Variants in ZNF254 observed in about 807,000 individuals in gnomAD.
ZNF254 encodes the protein zinc finger protein 254, also known as CTD-2017D11.1.
In ZNF254, 10 loss-of-function variants were observed where a neutral mutation model predicts 12.4. The ratio of observed to expected loss-of-function variants is 0.80; its 90% confidence interval spans 0.50 to 1.36. ZNF254 has a LOEUF of 1.36. ZNF254 is among the 40% of genes most tolerant of loss of function. The pLI is 0.00. For missense variants in ZNF254, 996 were observed against 763.9 expected (o/e 1.30, Z -3.58); for synonymous variants, 305 against 253.4 (o/e 1.20, Z -1.93).
chr19:24,117,336 G>A (rs1444957342), intron 3 of ZNF254, among the ~76,000 whole-genome samples: 3 of 152,160 alleles, frequency 2.0e-5, no homozygotes, highest in Non-Finnish European at 4.4e-5. Flanking sequence ...TTGAGCTGTG[G>A]TGGGCTCCAC....
intron 2 of ZNF254, among the ~76,000 whole-genome samples, chr19:24,069,683 C>T (rs140478820): frequency 2.4e-4 from 36 of 147,022 alleles, no homozygotes; most frequent in Admixed American, 8.2e-4. Flanking sequence ...TTTGGGAGGC[C>T]GGCTCACGCC....
chr19:24,126,816 T>C lies in ZNF254; in HGVS notation c.816T>C (p.Gly272=), dbSNP rs10421408. ...AACTCTACAAATGTGAAGAATGTGG[T>C]GAAGCTTTTAATCGATCCTCAAATC... ...GEKLYKCEEC[G]EAFNRSSNLT... The change falls in exon 4 of 4, where the codon GGT becomes GGC. Residue 272 remains glycine (G), a synonymous_variant. Transcript: ENST00000357002. 4 of 1,611,954 alleles carry C rather than the reference T, an allele frequency of 2.5e-6. No individual in the cohort carries two copies. The highest frequency in any genetic ancestry group is 2.7e-5 in the African/African-American group (2 of 74,528).
chr19:24,060,089 C>T (rs1281146486), intron 2 of ZNF254, among the ~76,000 whole-genome samples: 17 of 152,170 alleles, frequency 1.1e-4, no homozygotes, highest in Non-Finnish European at 2.2e-4. Context: ...GGGCTCAGCA[C>T]CCAGGTGATG....
At chr19:24,104,758 G>C (rs1379732343) in intron 1 of ZNF254, 1 of 152,130 alleles carries the variant, frequency 6.6e-6, no homozygotes, top group African/African-American at 2.4e-5. Context: ...CAATATTTCT[G>C]TGGGGAAAAC....
intron 2 of ZNF254, among the ~76,000 whole-genome samples, chr19:24,069,478 G>A (rs796213257): frequency 1.3e-5 from 2 of 150,328 alleles, no homozygotes; most frequent in African/African-American, 2.4e-5. Context: ...GTGGTGGCGG[G>A]TGTCTAATCC....
rs186209902 is a variant in ZNF254 at position 24,112,913 on chromosome 19, A to T, written c.253+6270A>T. ...GAATACTACAAACACCTCTATGCAA[A>T]TAAACTAGAAAATCTAGATGAAATG... On this transcript the variant is annotated intron_variant, in intron 3 of 3. Coordinates refer to ENST00000357002, the MANE Select transcript of ZNF254 (RefSeq NM_203282.4). 3.5e-3 allele frequency among the ~76,000 whole-genome samples: 526 copies of T among 152,346 alleles called. 7 individuals carry two copies. Among genetic ancestry groups the T allele is most frequent in the Non-Finnish European group, 2.5e-3 (171 of 68,026 alleles).
chr19:24,075,393 GAAAT>G (rs1463784020), intron 2 of ZNF254, among the ~76,000 whole-genome samples: 1 of 152,154 alleles, frequency 6.6e-6, no homozygotes, highest in Non-Finnish European at 1.5e-5. Flanking sequence ...GCCAGTCTGA[GAAAT>G]AAAGAGAAAG....
chr19:24,101,714 C>T (rs1973039461), intron 1 of ZNF254, among the ~76,000 whole-genome samples: 1 of 152,238 alleles, frequency 6.6e-6, no homozygotes, highest in African/African-American at 2.4e-5. Flanking sequence ...CTGAGTCTCT[C>T]CTGCTGGCTT....
At chr19:24,101,087 C>G (rs776110887) in intron 1 of ZNF254, among the ~76,000 whole-genome samples, 1 of 152,116 alleles carries the variant, frequency 6.6e-6, no homozygotes. Flanking sequence ...TCAGGGGATC[C>G]GCCTGCCTTG....
At chr19:24,055,648 C>T (rs1051857574) in intron 2 of ZNF254, among the ~76,000 whole-genome samples, 2 of 152,180 alleles carry the variant, frequency 1.3e-5, no homozygotes, top group Non-Finnish European at 2.9e-5. Context: ...AAACACAGCC[C>T]ACTTTTGAAG....
In ZNF254 at chr19:24,127,611, G is replaced by C. The variant is rs12611425; in HGVS notation, c.1611G>C (p.Lys537Asn). 0.036 allele frequency: 58,078 copies of C among 1,613,422 alleles called. 1,736 individuals carry two copies. Among genetic ancestry groups the C allele is most frequent in the Admixed American group, 0.15 (9,106 of 59,934 alleles). Residue 537 changes from lysine to asparagine, a missense_variant, in exon 4 of 4, where the codon AAG (lysine) becomes AAC (asparagine). Physicochemically the swap from Lys to Asn is moderately conservative, Grantham distance 94 (BLOSUM62 0). Transcript: ENST00000357002. Reference protein sequence around the residue: ...FNWSSTLTKHKIIHTEEKPYK... With the variant: ...FNWSSTLTKHNIIHTEEKPYK... ...GGTCCTCAACTCTTACTAAACATAA[G>C]ATAATTCATACTGAAGAGAAACCCT...
chr19:24,126,496 T>C lies in ZNF254; in HGVS notation c.496T>C (p.Phe166Leu). 6.3e-7 allele frequency: 1 copy of C among 1,587,978 alleles called. No homozygotes were observed. Among genetic ancestry groups the C allele is most frequent in the Non-Finnish European group, 8.5e-7 (1 of 1,172,290 alleles). Residue 166 changes from phenylalanine (F) to leucine (L), a missense_variant, in exon 4 of 4, where the codon TTT (phenylalanine) becomes CTT (leucine). Transcript: ENST00000357002. Reference sequence around the variant, plus strand: ...TAAATATTTGAAAGTCTTCTATAAATTTTTAAATTCAAACAGACCTAAGAT... The same window carrying C: ...TAAATATTTGAAAGTCTTCTATAAACTTTTAAATTCAAACAGACCTAAGAT... The part of the protein sequence containing the change: ...CDKYLKVFYK[F>L]LNSNRPKIRH...
In ZNF254 at chr19:24,126,700, G is replaced by C; in HGVS notation, c.700G>C (p.Glu234Gln). The C allele has an allele frequency of 6.2e-7, 1 of 1,613,264 alleles. No homozygotes were observed. The highest frequency in any genetic ancestry group is 8.5e-7 in the Non-Finnish European group (1 of 1,179,730). Reference protein sequence around the residue: ...TLTNHRKIYTEEKPYKCEEYN... With the variant: ...TLTNHRKIYTQEKPYKCEEYN... ...TACTAATCATAGGAAAATTTATACT[G>C]AAGAGAAACCTTACAAATGTGAAGA... The change falls in exon 4 of 4, where the codon GAA (glutamate) becomes CAA (glutamine). Residue 234 changes from glutamate (E) to glutamine (Q), a missense_variant. Physicochemically the swap from Glu to Gln is conservative, Grantham distance 29. Coordinates refer to ENST00000357002, the MANE Select transcript of ZNF254 (RefSeq NM_203282.4).
intron 2 of ZNF254, chr19:24,080,769 C>A (rs1480057235): frequency 8.3e-6 from 1 of 119,818 alleles, no homozygotes; most frequent in East Asian, 2.5e-4. Flanking sequence ...GAAACAGAGA[C>A]TCCGTCTCAA....
chr19:24,065,116 T>A (rs1971222647), intron 2 of ZNF254, among the ~76,000 whole-genome samples: 1 of 152,096 alleles, frequency 6.6e-6, no homozygotes, highest in East Asian at 1.9e-4. Flanking sequence ...CCTGAGCCCC[T>A]CCCACAGAGG....
upstream of ZNF254, among the ~76,000 whole-genome samples, chr19:24,086,062 C>G (rs1208966282): frequency 6.6e-6 from 1 of 151,200 alleles, no homozygotes; most frequent in South Asian, 2.1e-4. Context: ...AAAAAATTAG[C>G]CAGGTTTGGT....
In ZNF254 at chr19:24,116,404, C is replaced by A. The variant is rs193254198; in HGVS notation, c.253+9761C>A. 3.0e-3 allele frequency among the ~76,000 whole-genome samples: 457 copies of A among 152,094 alleles called. 1 individual carries two copies. Among genetic ancestry groups the A allele is most frequent in the African/African-American group, 0.011 (442 of 41,514 alleles). Reference sequence around the variant, plus strand: ...GAGGCTTTTTTCAATTCTTTTTATTCTTTTTTCTCTAAACTTCCCTTCTCG... The same window carrying A: ...GAGGCTTTTTTCAATTCTTTTTATTATTTTTTCTCTAAACTTCCCTTCTCG... On this transcript the variant is annotated intron_variant, in intron 3 of 3. Coordinates refer to ENST00000357002, the MANE Select transcript of ZNF254 (RefSeq NM_203282.4).
At chr19:24,033,947 C>T (rs1035467256) in intron 1 of ZNF254, among the ~76,000 whole-genome samples, 5 of 152,218 alleles carry the variant, frequency 3.3e-5, no homozygotes, top group African/African-American at 1.2e-4. Context: ...GCAGGTGGGG[C>T]TCCCGAGTCT....
chr19:24,054,504 T>C (rs1970766385), intron 2 of ZNF254, among the ~76,000 whole-genome samples: 1 of 152,220 alleles, frequency 6.6e-6, no homozygotes, highest in South Asian at 2.1e-4. Flanking sequence ...ACATATTGTA[T>C]AATGCCCTCG....
Sources: gnomAD v4.1 joint callset for allele counts (sites outside exome capture counted in the v4.1 genomes callset) on GRCh38, gnomAD v4.1.1 for gene constraint, MANE v1.5 for transcripts, NCBI Gene and HGNC (gene_info 2026-07-23, HGNC 2026-07-21) for gene names.